Variants in GPR161 observed in about 807,000 individuals in gnomAD.
GPR161 encodes the protein G protein-coupled receptor 161, also known as G-protein coupled receptor RE2.
GPR161 carries 25 observed loss-of-function variants against 39.2 expected under a neutral mutation model. The ratio of observed to expected loss-of-function variants is 0.64; its 90% CI spans 0.47 to 0.89. The LOEUF (loss-of-function observed/expected upper bound fraction) is 0.89. GPR161 is among the 40% of genes least tolerant of loss of function. GPR161 has a pLI of 0.00. For missense variants in GPR161, 547 were observed against 677.8 expected (o/e 0.81, Z 2.14); for synonymous variants, 286 against 276.6 (o/e 1.03, Z -0.34).
chr1:168,128,396 TG>T (rs1372886163), intron 1 of GPR161, among the ~76,000 whole-genome samples: 7 of 152,202 alleles, frequency 4.6e-5, no homozygotes, highest in Admixed American at 3.3e-4. Flanking sequence ...CACCTAAGGC[TG>T]GGGATGTTGC....
rs1436575511 is a variant in GPR161, at chr1:168,080,408, G to A, written c.*5123C>T. 1 of 152,216 alleles carries A rather than the reference G, an allele frequency of 6.6e-6. No individual in the cohort carries two copies. The highest frequency in any genetic ancestry group is 1.5e-5 in the Non-Finnish European group (1 of 68,086). The allele number at this position is 152,216 out of a possible 1,614,324, so 9.4% of individuals were successfully genotyped here. A position where few individuals can be genotyped will look rare whatever the true frequency, so the allele number is the denominator to read the frequency against. ...CTTTGAGACCTCAGACAATTGCCCTGGATTCTGTGTCCCCTCTCCCAACCC... is the reference window on the plus strand; with the variant it reads ...CTTTGAGACCTCAGACAATTGCCCTAGATTCTGTGTCCCCTCTCCCAACCC... On this transcript the variant is annotated 3_prime_UTR_variant, in exon 6 of 6. Transcript: ENST00000682931.
At chr1:168,120,032 GC>G (rs1216126693) in intron 1 of GPR161, among the ~76,000 whole-genome samples, 1 of 152,208 alleles carries the variant, frequency 6.6e-6, no homozygotes, top group African/African-American at 2.4e-5. Context: ...TAGGGGCACT[GC>G]CTAGTGAAGA....
chr1:168,135,182 T>A, intron 1 of GPR161: 1 of 1,064,024 alleles, frequency 9.4e-7, no homozygotes, highest in Non-Finnish European at 1.3e-6. Flanking sequence ...GTTAAAGAAC[T>A]CACCTGTGTG....
At chr1:168,115,461 G>A (rs1307480480) in intron 1 of GPR161, among the ~76,000 whole-genome samples, 1 of 151,944 alleles carries the variant, frequency 6.6e-6, no homozygotes, top group Non-Finnish European at 1.5e-5. Flanking sequence ...TGGGCTCCTG[G>A]GCCCTAGGAA....
At chr1:168,099,394 G>A (rs1027219749) in intron 2 of GPR161, among the ~76,000 whole-genome samples, 1 of 152,094 alleles carries the variant, frequency 6.6e-6, no homozygotes, top group Non-Finnish European at 1.5e-5. Context: ...GCACACAGAC[G>A]CTCCACCCTG....
At chr1:168,137,447 C>T (rs959874064), upstream of GPR161, 6 of 1,499,518 alleles carry the variant, frequency 4.0e-6, no homozygotes, top group Non-Finnish European at 5.4e-6. Flanking sequence ...CAGGCTCTGT[C>T]CCGGGCTCTG....
chr1:168,136,568 A>G, intron 1 of GPR161, 171 bp downstream of exon 1: 2 of 1,251,118 alleles, frequency 1.6e-6, no homozygotes, highest in Non-Finnish European at 2.0e-6. Context: ...CGGGCGGAGG[A>G]CAGCCCTGAC....
Position 168,115,151 on chromosome 1 carries a change from G to C in GPR161, c.-44-10257C>G, listed in dbSNP as rs188972573. 6.6e-5 allele frequency among the ~76,000 whole-genome samples: 10 copies of C among 152,282 alleles called. No individual in the cohort carries two copies. In the East Asian group the frequency reaches 1.5e-3, roughly 23 times the overall value. ...GAGCACAGGGCAAAGGGGTGGATAG[G>C]TGGGGAGGACACAGGTGAATTCATC... On this transcript the variant is annotated intron_variant, in intron 1 of 5. Transcript: ENST00000682931.
In GPR161 at chr1:168,084,729, C is replaced by G. The variant is rs1694309137; in HGVS notation, c.*802G>C. On this transcript the variant is annotated 3_prime_UTR_variant, in exon 6 of 6. Transcript: ENST00000682931. ...CCTGGCTGTGCTTGGCACTACAGTC[C>G]CATTCAGTCCGGTAAAACAGTGGTA... 2.3e-6 allele frequency: 1 copy of G among 432,364 alleles called. No individual in the cohort carries two copies. Among genetic ancestry groups the G allele is most frequent in the Non-Finnish European group, 4.6e-6 (1 of 218,146 alleles). 26.8% of individuals were successfully genotyped at this position (432,364 alleles called of 1,614,324 possible). A position where few individuals can be genotyped will look rare whatever the true frequency, so the allele number is the denominator to read the frequency against.
intron 1 of GPR161, chr1:168,136,324 C>T: frequency 6.7e-7 from 1 of 1,485,150 alleles, no homozygotes; most frequent in Non-Finnish European, 8.9e-7. Context: ...CTGAGCGGGA[C>T]GTGGAGTCTC....
intron 1 of GPR161, among the ~76,000 whole-genome samples, chr1:168,105,656 C>G (rs1696537778): frequency 6.6e-6 from 1 of 152,200 alleles, no homozygotes; most frequent in African/African-American, 2.4e-5. Flanking sequence ...GTAGAGGCAC[C>G]ATTTGAGGTC....
Position 168,085,431 on chromosome 1 carries a change from G to A in GPR161, c.*100C>T, listed in dbSNP as rs559107961. The A allele has an allele frequency of 1.2e-5, 14 of 1,126,110 alleles. 1 individual carries two copies. The South Asian group carries it at 1.9e-4, about 15-fold the overall frequency. The allele number at this position is 1,126,110 out of a possible 1,614,324, so 69.8% of individuals were successfully genotyped here. ...GCTCCTTCCCTGTGTGTGGCCAGCT[G>A]TACACAGTGACATGCTCCCAAGGCC... On this transcript the variant is annotated 3_prime_UTR_variant, in exon 6 of 6. Coordinates refer to ENST00000682931, the MANE Select transcript of GPR161 (RefSeq NM_001375883.1).
At chr1:168,106,774 G>A (rs1696660613) in intron 1 of GPR161, among the ~76,000 whole-genome samples, 1 of 152,008 alleles carries the variant, frequency 6.6e-6, no homozygotes, top group South Asian at 2.1e-4. Flanking sequence ...ATGCATTTTG[G>A]CCCATATTTC....
At chr1:168,085,914 G>T in intron 5 of GPR161, 118 bp from the exon 6 acceptor site, 4 of 854,558 alleles carry the variant, frequency 4.7e-6, no homozygotes, top group Middle Eastern at 6.9e-4. Context: ...AGTTAAGGGC[G>T]TGGGTTTCAA....
intron 2 of GPR161, among the ~76,000 whole-genome samples, chr1:168,099,799 G>A (rs566763078): frequency 1.2e-4 from 16 of 137,900 alleles, no homozygotes; most frequent in Admixed American, 9.6e-4. Context: ...GTACAGCCAC[G>A]TCCTCCAGGG....
intron 1 of GPR161, among the ~76,000 whole-genome samples, chr1:168,131,061 A>C (rs1698950612): frequency 6.6e-6 from 1 of 152,184 alleles, no homozygotes; most frequent in Non-Finnish European, 1.5e-5. Context: ...TGTGTAAAGC[A>C]GTTGGTTCCA....
In GPR161 at chr1:168,085,142, C is replaced by G; in HGVS notation, c.*389G>C. 6.6e-6 allele frequency: 3 copies of G among 457,732 alleles called. No individual in the cohort carries two copies. 28.4% of individuals were successfully genotyped at this position (457,732 alleles called of 1,614,324 possible). A position where few individuals can be genotyped will look rare whatever the true frequency, so the allele number is the denominator to read the frequency against. The stretch of plus-strand genomic sequence containing the variant: ...GCATCTGGCACAGTGCACGGCTGGA[C>G]TCCCAGCACACTGTGAAGAGGAGGA... On this transcript the variant is annotated 3_prime_UTR_variant, in exon 6 of 6. Coordinates refer to ENST00000682931, the MANE Select transcript of GPR161 (RefSeq NM_001375883.1).
At chr1:168,104,421 A>T in intron 2 of GPR161, 56 bp downstream of exon 2, 1 of 1,442,520 alleles carries the variant, frequency 6.9e-7, no homozygotes, top group Non-Finnish European at 9.6e-7. Flanking sequence ...GGGACACTGC[A>T]CCAGATGAGC....
intron 1 of GPR161, 100 bp from the exon 2 acceptor site, chr1:168,104,994 C>T (rs928599384): frequency 1.2e-6 from 1 of 835,118 alleles, no homozygotes. Flanking sequence ...AGTGCTACGC[C>T]TCAGATCACC....
Sources: allele counts gnomAD v4.1 joint callset (sites outside exome capture counted in the v4.1 genomes callset), GRCh38; gene constraint gnomAD v4.1.1; transcripts MANE v1.5; gene names NCBI Gene and HGNC (gene_info 2026-07-23, HGNC 2026-07-21).